Variants in PDE7B observed in about 807,000 individuals in gnomAD.
PDE7B encodes 3',5'-cyclic-AMP phosphodiesterase 7B.
A neutral mutation model predicts 56.2 loss-of-function variants in PDE7B; 29 were observed. That is an observed-to-expected ratio of 0.52 (90% CI 0.38 to 0.70). PDE7B has a LOEUF of 0.70. PDE7B is among the 30% of genes least tolerant of loss of function. The pLI is 0.00. For synonymous variants in PDE7B, 197 were observed against 196.9 expected, an observed-to-expected ratio of 1.00 and a Z score of 0.00; for missense variants, 490 against 565.0, an observed-to-expected ratio of 0.87 and a Z score of 1.35.
intron 1 of PDE7B, among the ~76,000 whole-genome samples, chr6:135,885,459 T>C (rs1221182904): frequency 6.6e-6 from 1 of 152,164 alleles, no homozygotes; most frequent in African/African-American, 2.4e-5. Context: ...AATACCACTC[T>C]TCCCACATCA....
At chr6:135,875,280 C>T (rs532805210) in intron 1 of PDE7B, among the ~76,000 whole-genome samples, 80 of 151,426 alleles carry the variant, frequency 5.3e-4, no homozygotes, top group Non-Finnish European at 1.0e-3. Context: ...TACTTCTTTG[C>T]TTTTTTCTGC....
intron 2 of PDE7B, among the ~76,000 whole-genome samples, chr6:135,975,557 T>C (rs1057496058): frequency 1.3e-5 from 2 of 152,182 alleles, no homozygotes; most frequent in African/African-American, 4.8e-5. Flanking sequence ...GTGTGCATAT[T>C]TGGGTTTCTC....
At chr6:135,984,684 T>G (rs865794516) in intron 2 of PDE7B, among the ~76,000 whole-genome samples, 3 of 152,182 alleles carry the variant, frequency 2.0e-5, no homozygotes, top group Non-Finnish European at 2.9e-5. Context: ...AATTTCTTAC[T>G]GCAGTGGTTG....
At chr6:136,039,180 G>C (rs1418550260) in intron 2 of PDE7B, among the ~76,000 whole-genome samples, 1 of 151,958 alleles carries the variant, frequency 6.6e-6, no homozygotes, top group African/African-American at 2.4e-5. Context: ...GCTGTGTTTG[G>C]GACGGTTGTG....
chr6:136,040,625 A>G (rs1248678556), intron 2 of PDE7B, among the ~76,000 whole-genome samples: 1 of 152,156 alleles, frequency 6.6e-6, no homozygotes, highest in African/African-American at 2.4e-5. Flanking sequence ...AGCTGTTTTC[A>G]GTTCCTGCAC....
At chr6:136,145,481 A>G (rs12662330) in intron 3 of PDE7B, among the ~76,000 whole-genome samples, 1 of 151,800 alleles carries the variant, frequency 6.6e-6, no homozygotes, top group Non-Finnish European at 1.5e-5. Context: ...GCAAAAAGTC[A>G]TATTTAAAAA....
At chr6:135,923,900 A>C (rs1774136368) in intron 1 of PDE7B, among the ~76,000 whole-genome samples, 2 of 152,336 alleles carry the variant, frequency 1.3e-5, no homozygotes, top group Non-Finnish European at 2.9e-5. Flanking sequence ...ATAACAACTG[A>C]GATGGTTAGC....
Position 136,046,726 on chromosome 6 carries a change from C to T in PDE7B, c.83-62005C>T, listed in dbSNP as rs567694100. ...CTCTTTCCTCCCAGCAGAAGGAAGCCTCAATGTGCCCATATCTATAGACCC... is the reference window on the plus strand; with the variant it reads ...CTCTTTCCTCCCAGCAGAAGGAAGCTTCAATGTGCCCATATCTATAGACCC... On this transcript the variant is annotated intron_variant, in intron 2 of 12. Coordinates refer to ENST00000308191, the MANE Select transcript of PDE7B (RefSeq NM_018945.4). Among the ~76,000 whole-genome samples the T allele has an allele frequency of 2.6e-5, 4 of 152,212 alleles. No individual in the cohort carries two copies. In the South Asian group the frequency reaches 8.3e-4, roughly 32 times the overall value.
In PDE7B at chr6:135,965,624, T is replaced by C. The variant is rs146758577; in HGVS notation, c.82+18100T>C. Among the ~76,000 whole-genome samples the C allele has an allele frequency of 1.6e-3, 240 of 152,282 alleles. 1 individual carries two copies. The East Asian group carries it at 0.028, about 18-fold the overall frequency. On this transcript the variant is annotated intron_variant, in intron 2 of 12. Coordinates refer to ENST00000308191, the MANE Select transcript of PDE7B (RefSeq NM_018945.4). ...GAACTTGTGCAGGGAAACTCCCCTT[T>C]ATAAAACCATCAGATCTTATGAGAC... is the stretch of plus-strand genomic sequence containing the variant.
chr6:135,935,186 T>TATATATATA (rs1774393949), intron 1 of PDE7B, among the ~76,000 whole-genome samples: 6 of 38,446 alleles, frequency 1.6e-4, no homozygotes, highest in Admixed American at 6.8e-4. Context: ...ATATATATAT[T>TATATATATA]TATTTATATA....
At position 135,872,041 on chromosome 6, in the gene PDE7B, T is replaced by G. The variant is rs116521049; in HGVS notation, c.21+20022T>G. On this transcript the variant is annotated intron_variant, in intron 1 of 12. Coordinates refer to ENST00000308191, the MANE Select transcript of PDE7B (RefSeq NM_018945.4). ...GGGAGAAATTTTATTCATAACATTGTGATTAGGTCACCTAGTTTCTCATTA... is the reference window on the plus strand; with the variant it reads ...GGGAGAAATTTTATTCATAACATTGGGATTAGGTCACCTAGTTTCTCATTA... Among the ~76,000 whole-genome samples the G allele has an allele frequency of 2.6e-3, 392 of 152,330 alleles. 4 individuals are homozygous for G. The highest frequency in any genetic ancestry group is 9.2e-3 in the African/African-American group (384 of 41,580).
At chr6:136,181,112 T>C in intron 10 of PDE7B, 115 bp from the exon 11 acceptor site, 8 of 730,694 alleles carry the variant, frequency 1.1e-5, no homozygotes, top group Non-Finnish European at 2.0e-5. Flanking sequence ...ACTCTGTAAA[T>C]ATGGGCCTGG....
At chr6:135,998,755 CAAAAT>C (rs1273866898) in intron 2 of PDE7B, among the ~76,000 whole-genome samples, 1 of 143,146 alleles carries the variant, frequency 7.0e-6, no homozygotes, top group African/African-American at 2.6e-5. Flanking sequence ...GACTCCATCT[CAAAAT>C]AAAAAAAAAT....
intron 1 of PDE7B, among the ~76,000 whole-genome samples, chr6:135,909,389 C>T (rs780506765): frequency 7.9e-5 from 12 of 152,030 alleles, no homozygotes; most frequent in East Asian, 1.9e-4. Context: ...CCGAGGTGGA[C>T]GTATCACTTG....
At chr6:136,073,116 C>T (rs191480400) in intron 2 of PDE7B, among the ~76,000 whole-genome samples, 1 of 152,154 alleles carries the variant, frequency 6.6e-6, no homozygotes, top group Non-Finnish European at 1.5e-5. Flanking sequence ...GAGATGGTGG[C>T]GTCGGCAGGG....
chr6:136,020,740 G>A (rs535270411), intron 2 of PDE7B, among the ~76,000 whole-genome samples: 11 of 151,788 alleles, frequency 7.2e-5, no homozygotes, highest in South Asian at 2.2e-4. Context: ...GGGACTCACC[G>A]AAAATTATTC....
At chr6:135,994,268 C>A (rs1775526540) in intron 2 of PDE7B, among the ~76,000 whole-genome samples, 1 of 151,770 alleles carries the variant, frequency 6.6e-6, no homozygotes, top group South Asian at 2.1e-4. Context: ...TCAGAATAAG[C>A]ACATTTGTTA....
chr6:136,124,059 C>G (rs531093450), intron 3 of PDE7B, among the ~76,000 whole-genome samples: 2 of 152,028 alleles, frequency 1.3e-5, no homozygotes, highest in East Asian at 3.9e-4. Flanking sequence ...CTTAAATCAC[C>G]CTTTGTTATG....
chr6:136,063,887 A>G (rs542314179), intron 2 of PDE7B, among the ~76,000 whole-genome samples: 2 of 152,270 alleles, frequency 1.3e-5, no homozygotes, highest in East Asian at 1.9e-4. Flanking sequence ...AGCTTATGCT[A>G]TAGTTATTTT....
Sources: allele counts gnomAD v4.1 joint callset (sites outside exome capture counted in the v4.1 genomes callset), GRCh38; gene constraint gnomAD v4.1.1; transcripts MANE v1.5; gene names NCBI Gene and HGNC (gene_info 2026-07-23, HGNC 2026-07-21).